CDH18: variants seen among roughly 807,000 people sequenced by gnomAD.
The protein encoded by CDH18 is cadherin 18.
In CDH18, 31 loss-of-function variants were observed where a neutral mutation model predicts 67.9. The observed-to-expected ratio is 0.46, with a 90% CI of 0.34 to 0.62. The LOEUF (loss-of-function observed/expected upper bound fraction) is 0.62, where lower values mean the gene tolerates loss of function less well. Among genes scored for constraint, CDH18 ranks in the 20% least tolerant of loss-of-function variants. The pLI is 0.01. For synonymous variants in CDH18, 362 were observed against 347.2 expected, an observed-to-expected ratio of 1.04 and a Z score of -0.48; for missense variants, 890 against 975.5, an observed-to-expected ratio of 0.91 and a Z score of 1.17.
At chr5:20,186,360 A>G (rs1738099036) in intron 2 of CDH18, among the ~76,000 whole-genome samples, 1 of 152,000 alleles carries the variant, frequency 6.6e-6, no homozygotes, top group African/African-American at 2.4e-5. Context: ...CACAGAGTGG[A>G]AGGAAATATT....
chr5:19,875,422 AGATAGATAGATAGATAGATC>A (rs1314860193), intron 2 of CDH18, among the ~76,000 whole-genome samples: 1 of 149,738 alleles, frequency 6.7e-6, no homozygotes, highest in African/African-American at 2.5e-5. Context: ...ATAGATAGAT[AGATAGATAGATAGATAGATC>A]GATCGATCTA....
chr5:20,545,056 T>G (rs1201292719), intron 1 of CDH18, among the ~76,000 whole-genome samples: 1 of 152,160 alleles, frequency 6.6e-6, no homozygotes, highest in African/African-American at 2.4e-5. Flanking sequence ...CATGCAAGTA[T>G]GAAACCTGGC....
chr5:20,484,663 G>A (rs568554831), intron 1 of CDH18, among the ~76,000 whole-genome samples: 2 of 152,186 alleles, frequency 1.3e-5, no homozygotes, highest in African/African-American at 2.4e-5. Flanking sequence ...CTTATGTTAA[G>A]TGAAATAAAA....
intron 1 of CDH18, among the ~76,000 whole-genome samples, chr5:20,413,664 A>T (rs1562045828): frequency 1.3e-5 from 2 of 151,630 alleles, no homozygotes; most frequent in South Asian, 2.1e-4. Context: ...GGATTGTTTG[A>T]TTTTTTCTTG....
chr5:20,249,997 A>T (rs977533240), intron 2 of CDH18, among the ~76,000 whole-genome samples: 1 of 152,114 alleles, frequency 6.6e-6, no homozygotes. Flanking sequence ...GTAGAAAAAA[A>T]TTTCCTTTTT....
intron 2 of CDH18, among the ~76,000 whole-genome samples, chr5:20,056,251 G>A (rs1471601636): frequency 1.3e-5 from 2 of 148,528 alleles, no homozygotes; most frequent in Admixed American, 6.7e-5. Flanking sequence ...TGATCCACCC[G>A]CCTTGGCCTC....
At position 19,775,722 on chromosome 5, in the gene CDH18, A is replaced by G. The variant is rs78410237; in HGVS notation, c.229-28486T>C. 8.6e-3 allele frequency among the ~76,000 whole-genome samples: 1,313 copies of G among 152,300 alleles called. 20 individuals are homozygous for G. The highest frequency in any genetic ancestry group is 0.03 in the African/African-American group (1,231 of 41,568). On this transcript the variant is annotated intron_variant, in intron 3 of 12. Transcript: ENST00000382275. ...TTAGACGGAGACAAATATCCAAGCT[A>G]TATCAGTAGCTGAGGCAGATGTACA...
chr5:20,041,124 A>G (rs1369759), intron 2 of CDH18, among the ~76,000 whole-genome samples: 4 of 152,020 alleles, frequency 2.6e-5, no homozygotes, highest in African/African-American at 9.7e-5. Flanking sequence ...CTCTAGCAAC[A>G]TGATTCTAGA....
chr5:19,923,558 A>T (rs757804857), intron 2 of CDH18, among the ~76,000 whole-genome samples: 2 of 152,148 alleles, frequency 1.3e-5, no homozygotes, highest in Non-Finnish European at 2.9e-5. Flanking sequence ...GAAAAAATGC[A>T]AAGAATATGA....
intron 3 of CDH18, among the ~76,000 whole-genome samples, 172 bp from the exon 4 acceptor site, chr5:19,747,408 T>G (rs548784711): frequency 2.4e-4 from 37 of 151,884 alleles, no homozygotes; most frequent in Admixed American, 7.9e-4. Context: ...TTTCACTTGG[T>G]TAATCATATG....
chr5:20,532,733 C>A (rs1182584789), intron 1 of CDH18, among the ~76,000 whole-genome samples: 1 of 152,058 alleles, frequency 6.6e-6, no homozygotes, highest in Admixed American at 6.6e-5. Context: ...TACTTCAACA[C>A]CTAACTCAAA....
chr5:19,885,468 A>G (rs1461479505), intron 2 of CDH18, among the ~76,000 whole-genome samples: 2 of 152,214 alleles, frequency 1.3e-5, no homozygotes, highest in Admixed American at 6.5e-5. Flanking sequence ...TTAGTGTAAA[A>G]TACATCGGTT....
intron 1 of CDH18, among the ~76,000 whole-genome samples, chr5:20,351,776 C>T (rs902322386): frequency 6.6e-6 from 1 of 152,112 alleles, no homozygotes; most frequent in Non-Finnish European, 1.5e-5. Flanking sequence ...AAACTCAACT[C>T]AAAATTTAGA....
chr5:20,208,879 A>G (rs971659934), intron 2 of CDH18, among the ~76,000 whole-genome samples: 25 of 152,076 alleles, frequency 1.6e-4, no homozygotes, highest in South Asian at 2.1e-4. Flanking sequence ...CAAACAACTC[A>G]ATAGCAATAA....
chr5:20,522,758 C>A (rs375471170), intron 1 of CDH18, among the ~76,000 whole-genome samples: 1 of 152,038 alleles, frequency 6.6e-6, no homozygotes, highest in Admixed American at 6.6e-5. Flanking sequence ...ATCTAAAACC[C>A]GTTAGGAAGT....
chr5:20,428,405 A>G (rs992803082), intron 1 of CDH18, among the ~76,000 whole-genome samples: 5 of 152,208 alleles, frequency 3.3e-5, no homozygotes, highest in Admixed American at 6.5e-5. Flanking sequence ...GAGTAAACAT[A>G]TATGTGCATA....
intron 6 of CDH18, among the ~76,000 whole-genome samples, chr5:19,605,116 A>C (rs1380796966): frequency 6.6e-6 from 1 of 151,948 alleles, no homozygotes; most frequent in Non-Finnish European, 1.5e-5. Flanking sequence ...TTATTCTGTA[A>C]CTTTATTATA....
At chr5:20,465,651 T>C (rs1751584146) in intron 1 of CDH18, among the ~76,000 whole-genome samples, 1 of 151,988 alleles carries the variant, frequency 6.6e-6, no homozygotes. Flanking sequence ...TTATTAAGGA[T>C]TTATTGTTGT....
intron 1 of CDH18, among the ~76,000 whole-genome samples, chr5:20,278,335 C>T (rs1035471727): frequency 1.6e-4 from 24 of 151,644 alleles, no homozygotes; most frequent in Admixed American, 3.9e-4. Context: ...GCAAATCTTA[C>T]AGGGCAGAAG....
Sources: allele counts gnomAD v4.1 joint callset (sites outside exome capture counted in the v4.1 genomes callset), GRCh38; gene constraint gnomAD v4.1.1; transcripts MANE v1.5; gene names NCBI Gene and HGNC (gene_info 2026-07-23, HGNC 2026-07-21).